The following FBN2 variants were observed in gnomAD, a reference collection of about 807,000 sequenced individuals.
FBN2 encodes the protein fibrillin-2.
FBN2 carries 105 observed loss-of-function variants against 355.6 expected under a neutral mutation model. That is an observed-to-expected ratio of 0.30 (90% CI 0.25 to 0.35). The LOEUF (loss-of-function observed/expected upper bound fraction) is 0.35. Ranked by LOEUF, FBN2 falls within the 10% of genes least tolerant of loss-of-function variation. The pLI is 1.00. For synonymous variants in FBN2, 1,350 were observed against 1,301.2 expected (o/e 1.04, Z -0.81); for missense variants, 3,280 against 3,758.7 (o/e 0.87, Z 3.33).
At chr5:128,271,875 G>T in intron 62 of FBN2, 124 bp downstream of exon 62, 2 of 1,105,554 alleles carry the variant, frequency 1.8e-6, no homozygotes, top group Non-Finnish European at 2.8e-6. Flanking sequence ...CAGTCTTAAG[G>T]ACTGGGTTTA....
intron 7 of FBN2, among the ~76,000 whole-genome samples, chr5:128,416,532 T>A (rs906213969): frequency 6.6e-6 from 1 of 152,250 alleles, no homozygotes; most frequent in Non-Finnish European, 1.5e-5. Context: ...CTAGTAGTTT[T>A]ATGGTTTCGG....
At chr5:128,519,934 GA>G (rs1484163123) in intron 4 of FBN2, among the ~76,000 whole-genome samples, 1 of 151,080 alleles carries the variant, frequency 6.6e-6, no homozygotes, top group Non-Finnish European at 1.5e-5. Flanking sequence ...GAAAAGGGGG[GA>G]AAATACCATC....
At chr5:128,489,881 G>T (rs1561482449) in intron 5 of FBN2, among the ~76,000 whole-genome samples, 1 of 152,162 alleles carries the variant, frequency 6.6e-6, no homozygotes, top group Non-Finnish European at 1.5e-5. Flanking sequence ...TACAGATGAA[G>T]ACTACAGATG....
chr5:128,260,124 G>GT (rs918208349), intron 64 of FBN2, among the ~76,000 whole-genome samples: 6 of 151,722 alleles, frequency 4.0e-5, no homozygotes, highest in Non-Finnish European at 8.8e-5. Context: ...CCCATTTCAA[G>GT]TTTTTTTTGA....
rs2112810680 is a variant in FBN2, at chr5:128,537,379, G to A, written c.225C>T (p.Arg75=). The A allele has an allele frequency of 6.2e-7, 1 of 1,610,672 alleles. No homozygotes were observed. Among genetic ancestry groups the A allele is most frequent in the Non-Finnish European group, 8.5e-7 (1 of 1,179,726 alleles). Residue 75 remains arginine (R), a synonymous_variant, in exon 1 of 65, where the codon CGC becomes CGT. Transcript: ENST00000262464. The part of the protein sequence containing the change: ...EEGAAVASRV[R]RRGQQDVLRG... ...GGAGCACGTCCTGCTGTCCTCGCCGGCGGACGCGGCTGGCCACTGCGGCAC... is the reference window on the plus strand; with the variant it reads ...GGAGCACGTCCTGCTGTCCTCGCCGACGGACGCGGCTGGCCACTGCGGCAC...
intron 63 of FBN2, among the ~76,000 whole-genome samples, chr5:128,263,099 G>A (rs907168898): frequency 2.0e-5 from 3 of 152,202 alleles, no homozygotes; most frequent in African/African-American, 7.2e-5. Flanking sequence ...AGGTATCCAT[G>A]GCAACGTGTG....
At chr5:128,497,846 T>G (rs1755698141) in intron 5 of FBN2, among the ~76,000 whole-genome samples, 1 of 152,218 alleles carries the variant, frequency 6.6e-6, no homozygotes, top group African/African-American at 2.4e-5. Flanking sequence ...ATTTGTATCA[T>G]GCAATGTACC....
intron 5 of FBN2, among the ~76,000 whole-genome samples, chr5:128,498,338 T>A (rs1755711734): frequency 6.6e-6 from 1 of 152,216 alleles, no homozygotes; most frequent in Admixed American, 6.5e-5. Flanking sequence ...AATTAATGAA[T>A]ATAGCACTTT....
At chr5:128,391,879 G>A (rs1312420778) in intron 11 of FBN2, 139 bp downstream of exon 11, 1 of 749,738 alleles carries the variant, frequency 1.3e-6, no homozygotes, top group Admixed American at 2.1e-5. Flanking sequence ...ACACTGAATA[G>A]CATACACACA....
chr5:128,470,265 G>C (rs1361798662), intron 5 of FBN2, among the ~76,000 whole-genome samples: 1 of 152,188 alleles, frequency 6.6e-6, no homozygotes, highest in Admixed American at 6.5e-5. Context: ...CTGGTTCCAT[G>C]CATCTGCAGG....
intron 7 of FBN2, 107 bp from the exon 8 acceptor site, chr5:128,408,906 C>G (rs1382715086): frequency 2.5e-6 from 3 of 1,195,062 alleles, no homozygotes; most frequent in African/African-American, 3.0e-5. Context: ...TTGATTAGGT[C>G]AGATCATATA....
intron 4 of FBN2, among the ~76,000 whole-genome samples, chr5:128,521,943 T>C (rs987856202): frequency 2.6e-5 from 4 of 152,158 alleles, no homozygotes; most frequent in Non-Finnish European, 4.4e-5. Context: ...TTTTTGGAGG[T>C]TTGCAAATTA....
chr5:128,434,891 T>A (rs1366177205), intron 7 of FBN2, among the ~76,000 whole-genome samples: 1 of 152,158 alleles, frequency 6.6e-6, no homozygotes, highest in South Asian at 2.1e-4. Context: ...TAGGTTTTCC[T>A]ATCATTAACA....
At chr5:128,328,611 G>A (rs781142356) in intron 34 of FBN2, 85 bp downstream of exon 34, 2 of 1,436,372 alleles carry the variant, frequency 1.4e-6, no homozygotes, top group African/African-American at 2.8e-5. Flanking sequence ...TCTGCTTCCA[G>A]GTGGAGCTTG....
intron 43 of FBN2, 64 bp from the exon 44 acceptor site, chr5:128,305,700 G>T: frequency 6.2e-7 from 1 of 1,600,590 alleles, no homozygotes; most frequent in Non-Finnish European, 8.6e-7. Context: ...TTACATTCAC[G>T]TCACACTTTG....
At chr5:128,404,446 C>A (rs1022775198) in intron 8 of FBN2, among the ~76,000 whole-genome samples, 25 of 152,194 alleles carry the variant, frequency 1.6e-4, no homozygotes, top group Admixed American at 2.6e-4. Flanking sequence ...CTGGTTAGTG[C>A]AGGACTTAGC....
At chr5:128,462,970 T>C (rs1754598134) in intron 6 of FBN2, among the ~76,000 whole-genome samples, 2 of 152,064 alleles carry the variant, frequency 1.3e-5, no homozygotes, top group Non-Finnish European at 2.9e-5. Context: ...ATTTCTGCAG[T>C]CATAGAGCTT....
chr5:128,519,612 TA>T (rs1018923825), intron 4 of FBN2, among the ~76,000 whole-genome samples: 9 of 152,092 alleles, frequency 5.9e-5, no homozygotes, highest in African/African-American at 9.7e-5. Flanking sequence ...AAGTGTTTGG[TA>T]AAAGGTTTTT....
intron 3 of FBN2, 68 bp from the exon 4 acceptor site, chr5:128,528,035 A>G: frequency 3.1e-6 from 3 of 977,962 alleles, no homozygotes; most frequent in Non-Finnish European, 4.9e-6. Context: ...GTGAGAGGTT[A>G]TAAAACTATA....
Sources: gnomAD v4.1 joint callset for allele counts (sites outside exome capture counted in the v4.1 genomes callset) on GRCh38, gnomAD v4.1.1 for gene constraint, MANE v1.5 for transcripts, NCBI Gene and HGNC (gene_info 2026-07-23, HGNC 2026-07-21) for gene names.